Variants in CNBD1 observed in about 807,000 individuals in gnomAD.
The protein encoded by CNBD1 is cyclic nucleotide binding domain containing 1.
CNBD1 carries 71 observed loss-of-function variants against 54.4 expected under a neutral mutation model. That is an observed-to-expected ratio of 1.30 (90% CI 1.08 to 1.59). The LOEUF is 1.59. CNBD1 is among the 40% of genes most tolerant of loss of function. The pLI, the probability that CNBD1 is intolerant of heterozygous loss-of-function variation, is 0.00. For synonymous variants in CNBD1, 182 were observed against 170.7 expected, an observed-to-expected ratio of 1.07 and a Z score of -0.51; for missense variants, 659 against 518.0, an observed-to-expected ratio of 1.27 and a Z score of -2.64.
At chr8:87,373,020 T>C (rs1015663044) in intron 10 of CNBD1, among the ~76,000 whole-genome samples, 3 of 151,850 alleles carry the variant, frequency 2.0e-5, no homozygotes, top group Admixed American at 6.6e-5. Flanking sequence ...TTATATGATA[T>C]TTTTTATTAT....
At chr8:87,013,851 C>A (rs73273622) in intron 4 of CNBD1, among the ~76,000 whole-genome samples, 8,683 of 151,734 alleles carry the variant, frequency 0.057, 780 homozygotes, top group African/African-American at 0.2. Flanking sequence ...TATACCTTAT[C>A]ATGTAAATTT....
chr8:87,106,880 A>AT (rs1811549145), intron 4 of CNBD1, among the ~76,000 whole-genome samples: 1 of 152,048 alleles, frequency 6.6e-6, no homozygotes, highest in Non-Finnish European at 1.5e-5. Context: ...CCCAGGCTGG[A>AT]GTGCAGTGGT....
intron 2 of CNBD1, among the ~76,000 whole-genome samples, chr8:86,888,626 A>G (rs1363675674): frequency 6.6e-6 from 1 of 152,178 alleles, no homozygotes; most frequent in Non-Finnish European, 1.5e-5. Context: ...CGTCTGGCAC[A>G]TAGTAAGGGT....
chr8:87,155,430 A>T (rs1476201315), intron 4 of CNBD1, among the ~76,000 whole-genome samples: 1 of 152,208 alleles, frequency 6.6e-6, no homozygotes, highest in African/African-American at 2.4e-5. Flanking sequence ...CTAAAAGGAC[A>T]GCAGTAATCC....
chr8:86,944,812 G>C (rs925583676), intron 4 of CNBD1, among the ~76,000 whole-genome samples: 2 of 152,168 alleles, frequency 1.3e-5, no homozygotes, highest in African/African-American at 4.8e-5. Context: ...GATGCCAAAA[G>C]GAGTTTCAGA....
intron 4 of CNBD1, among the ~76,000 whole-genome samples, chr8:86,998,927 G>C (rs1472378197): frequency 6.6e-6 from 1 of 152,054 alleles, no homozygotes; most frequent in East Asian, 1.9e-4. Context: ...TGTTTTATTG[G>C]AATGTGATTC....
rs1810157772 is a variant in CNBD1, at chr8:87,345,647, T to C, written c.1043-6038T>C. 3.3e-5 allele frequency among the ~76,000 whole-genome samples: 5 copies of C among 152,318 alleles called. No individual in the cohort carries two copies. In the South Asian group the frequency reaches 1.0e-3, roughly 32 times the overall value. On this transcript the variant is annotated intron_variant, in intron 8 of 10. Coordinates refer to ENST00000518476, the MANE Select transcript of CNBD1 (RefSeq NM_173538.3). ...ATAATGAGAAGTATCACTTAAATGG[T>C]GTCAGAATTGTAGATTCGAAACTGA...
intron 8 of CNBD1, among the ~76,000 whole-genome samples, chr8:87,304,507 A>G (rs7815470): frequency 0.57 from 85,441 of 151,208 alleles, 25,684 homozygotes; most frequent in African/African-American, 0.77. Flanking sequence ...GAGGGGGGAG[A>G]GATAGCATTA....
chr8:87,216,439 C>T (rs1814213408), intron 5 of CNBD1, among the ~76,000 whole-genome samples: 1 of 152,084 alleles, frequency 6.6e-6, no homozygotes, highest in African/African-American at 2.4e-5. Context: ...TGTGTTTTCC[C>T]ACTCCCCTCA....
At chr8:87,381,982 G>A (rs1331761261) in intron 10 of CNBD1, among the ~76,000 whole-genome samples, 3 of 151,484 alleles carry the variant, frequency 2.0e-5, no homozygotes, top group African/African-American at 4.8e-5. Context: ...TTTGTGTTGA[G>A]GGTATATCTC....
intron 2 of CNBD1, among the ~76,000 whole-genome samples, chr8:87,405,761 G>T (rs1807641495): frequency 6.6e-6 from 1 of 152,098 alleles, no homozygotes; most frequent in South Asian, 2.1e-4. Context: ...ATAGCACAAG[G>T]AAAGCCTATA....
At chr8:87,104,828 A>G (rs1346405137) in intron 4 of CNBD1, among the ~76,000 whole-genome samples, 1 of 152,222 alleles carries the variant, frequency 6.6e-6, no homozygotes, top group African/African-American at 2.4e-5. Context: ...CAAGGGAACT[A>G]ATATGTGCTT....
intron 4 of CNBD1, among the ~76,000 whole-genome samples, chr8:87,197,113 TGAA>T (rs1162136360): frequency 6.6e-6 from 1 of 152,210 alleles, no homozygotes; most frequent in Non-Finnish European, 1.5e-5. Context: ...ATGACACAAT[TGAA>T]GAAAGAGCTA....
intron 2 of CNBD1, among the ~76,000 whole-genome samples, chr8:87,403,822 C>G (rs375650481): frequency 6.6e-5 from 10 of 151,920 alleles, no homozygotes; most frequent in African/African-American, 2.4e-4. Flanking sequence ...TGAGTTTTAG[C>G]AATTCTTTTG....
At chr8:87,300,664 G>C (rs532202174) in intron 8 of CNBD1, among the ~76,000 whole-genome samples, 2 of 144,498 alleles carry the variant, frequency 1.4e-5, no homozygotes, top group East Asian at 4.1e-4. Context: ...CTACTCAGGA[G>C]GCCAAGGTGG....
chr8:87,300,577 T>C (rs1358208833), intron 8 of CNBD1, among the ~76,000 whole-genome samples: 10 of 152,128 alleles, frequency 6.6e-5, no homozygotes, highest in Non-Finnish European at 4.4e-5. Context: ...AAATGACATA[T>C]ATAGCTTAAG....
intron 4 of CNBD1, among the ~76,000 whole-genome samples, chr8:87,015,295 G>T (rs1204626982): frequency 2.6e-5 from 4 of 152,052 alleles, no homozygotes; most frequent in African/African-American, 7.2e-5. Flanking sequence ...CCATTCTCTT[G>T]CATCAGCCTC....
chr8:87,255,998 TATATATATATATA>T (rs1563526015), intron 6 of CNBD1, among the ~76,000 whole-genome samples: 12 of 15,790 alleles, frequency 7.6e-4, no homozygotes, highest in African/African-American at 3.6e-3. Flanking sequence ...TATATATATA[TATATATATATATA>T]TATATTTTTT....
chr8:87,257,127 T>C (rs1488307572), intron 6 of CNBD1, among the ~76,000 whole-genome samples: 1 of 152,066 alleles, frequency 6.6e-6, no homozygotes, highest in Admixed American at 6.6e-5. Flanking sequence ...CCCAGCGCTT[T>C]GGGAGACTGA....
Sources: gnomAD v4.1 joint callset for allele counts (sites outside exome capture counted in the v4.1 genomes callset) on GRCh38, gnomAD v4.1.1 for gene constraint, MANE v1.5 for transcripts, NCBI Gene and HGNC (gene_info 2026-07-23, HGNC 2026-07-21) for gene names.